TTC39C: variants seen among roughly 807,000 people sequenced by gnomAD.
The protein encoded by TTC39C is tetratricopeptide repeat protein 39C.
In TTC39C, 33 loss-of-function variants were observed where a neutral mutation model predicts 76.3. That is an observed-to-expected ratio of 0.43 (90% confidence interval 0.33 to 0.58). The LOEUF is 0.58. TTC39C is among the 20% of genes least tolerant of loss of function. TTC39C has a pLI of 0.04. For missense variants in TTC39C, 595 were observed against 701.4 expected (o/e 0.85, Z 1.71); for synonymous variants, 254 against 260.6 (o/e 0.97, Z 0.24).
intron 1 of TTC39C, among the ~76,000 whole-genome samples, chr18:24,020,532 C>T (rs375501107): frequency 1.6e-4 from 24 of 152,286 alleles, no homozygotes; most frequent in African/African-American, 5.3e-4. Flanking sequence ...GGACCCCCAG[C>T]GGATACCAAA....
chr18:24,083,185 C>T, intron 6 of TTC39C, 104 bp downstream of exon 6: 1 of 1,202,124 alleles, frequency 8.3e-7, no homozygotes, highest in Non-Finnish European at 1.1e-6. Flanking sequence ...TCCCAGGGCC[C>T]CGGAGCATTT....
chr18:24,077,920 A>G (rs2084326394), intron 4 of TTC39C, among the ~76,000 whole-genome samples: 1 of 152,228 alleles, frequency 6.6e-6, no homozygotes, highest in Admixed American at 6.5e-5. Context: ...GGTTTTCTCC[A>G]GGCTTTCTTT....
chr18:24,106,020 C>T (rs988819142), intron 6 of TTC39C, among the ~76,000 whole-genome samples: 1 of 152,170 alleles, frequency 6.6e-6, no homozygotes, highest in African/African-American at 2.4e-5. Flanking sequence ...TTGAGCTGGC[C>T]TCCGCATCTG....
chr18:24,094,556 A>G (rs1296974111), intron 6 of TTC39C, among the ~76,000 whole-genome samples: 2 of 152,250 alleles, frequency 1.3e-5, no homozygotes, highest in African/African-American at 2.4e-5. Context: ...CTTGAAAGTC[A>G]AAACTACTCC....
chr18:24,066,798 G>A (rs2084171243), intron 3 of TTC39C, among the ~76,000 whole-genome samples: 1 of 152,160 alleles, frequency 6.6e-6, no homozygotes, highest in Non-Finnish European at 1.5e-5. Context: ...TGTTTATGGT[G>A]TCCACCATGA....
chr18:24,010,725 T>G (rs2083387978), upstream of TTC39C, among the ~76,000 whole-genome samples: 1 of 152,206 alleles, frequency 6.6e-6, no homozygotes, highest in South Asian at 2.1e-4. Flanking sequence ...GGTTTTCTTG[T>G]GGTACTTTAT....
chr18:24,022,485 G>A, intron 1 of TTC39C: 1 of 880,830 alleles, frequency 1.1e-6, no homozygotes, highest in Non-Finnish European at 1.4e-6. Flanking sequence ...GGTTGAAACT[G>A]GGCTGCATGG....
chr18:23,997,074 A>G (rs1356117623), intron 1 of TTC39C, among the ~76,000 whole-genome samples: 1 of 151,934 alleles, frequency 6.6e-6, no homozygotes, highest in Non-Finnish European at 1.5e-5. Flanking sequence ...GCACCACTGC[A>G]CTCCAGCCTG....
intron 1 of TTC39C, among the ~76,000 whole-genome samples, chr18:24,023,398 G>A (rs1435574076): frequency 6.6e-6 from 1 of 152,162 alleles, no homozygotes; most frequent in Non-Finnish European, 1.5e-5. Context: ...TCTCAACAGT[G>A]CCATCACAAG....
chr18:24,083,191 C>CATTT, intron 6 of TTC39C, 110 bp downstream of exon 6: 1 of 1,162,556 alleles, frequency 8.6e-7, no homozygotes, highest in East Asian at 2.6e-5. Flanking sequence ...GGCCCCGGAG[C>CATTT]ATTTTGTTCT....
chr18:24,040,682 A>G (rs2083781579), intron 1 of TTC39C, among the ~76,000 whole-genome samples: 1 of 152,230 alleles, frequency 6.6e-6, no homozygotes, highest in African/African-American at 2.4e-5. Flanking sequence ...TAACTAGTAA[A>G]GAGAAAAGCC....
chr18:24,042,996 G>T (rs943047267), intron 1 of TTC39C, among the ~76,000 whole-genome samples: 5 of 152,092 alleles, frequency 3.3e-5, no homozygotes, highest in African/African-American at 9.7e-5. Flanking sequence ...ACATTTTGGG[G>T]ATAAAATCAA....
At chr18:24,090,101 T>G (rs1180859610) in intron 6 of TTC39C, among the ~76,000 whole-genome samples, 1 of 152,214 alleles carries the variant, frequency 6.6e-6, no homozygotes, top group Non-Finnish European at 1.5e-5. Flanking sequence ...GCAGACTACT[T>G]AGATTTCCCT....
rs1479807701 is a variant in TTC39C at position 24,135,218 on chromosome 18, G to A, written c.*2644G>A. ...GGGTTCCACCACCTTGGCCAGGCTG[G>A]TCTTGAACTCCTGACCTCATGATCC... On this transcript the variant is annotated 3_prime_UTR_variant, in exon 14 of 14. Transcript: ENST00000317571. The A allele has an allele frequency of 6.6e-6, 1 of 152,046 alleles. No homozygotes were observed. Among genetic ancestry groups the A allele is most frequent in the Non-Finnish European group, 1.5e-5 (1 of 68,008 alleles). 9.4% of individuals were successfully genotyped at this position (152,046 alleles called of 1,614,324 possible). A position where few individuals can be genotyped will look rare whatever the true frequency, so the allele number is the denominator to read the frequency against.
chr18:24,065,834 T>G (rs541096241), intron 2 of TTC39C, among the ~76,000 whole-genome samples, 178 bp from the exon 3 acceptor site: 1 of 152,364 alleles, frequency 6.6e-6, no homozygotes, highest in African/African-American at 2.4e-5. Flanking sequence ...AGGTATAGTC[T>G]TATTTCATGT....
rs1214099721 is a variant in TTC39C at position 24,116,341 on chromosome 18, G to A, written c.1078+1694G>A. ...GCAGATCGCCTAAAGCCAGGACTTC[G>A]AGACCAGCCAGGTCAGCATGGTGAA... On this transcript the variant is annotated intron_variant, in intron 7 of 13. Coordinates refer to ENST00000317571, the MANE Select transcript of TTC39C (RefSeq NM_001135993.2). 4.6e-5 allele frequency among the ~76,000 whole-genome samples: 7 copies of A among 152,268 alleles called. 2 individuals are homozygous for A. The South Asian group carries it at 8.3e-4, about 18-fold the overall frequency.
At chr18:24,041,142 A>G (rs2083787599) in intron 1 of TTC39C, among the ~76,000 whole-genome samples, 1 of 152,226 alleles carries the variant, frequency 6.6e-6, no homozygotes, top group African/African-American at 2.4e-5. Context: ...TTCATAATTC[A>G]TGCCTGCATA....
chr18:24,056,567 C>G (rs56036078), intron 1 of TTC39C, among the ~76,000 whole-genome samples: 13,645 of 55,238 alleles, frequency 0.25, 875 homozygotes, highest in South Asian at 0.47. Context: ...TTCTCTTCCA[C>G]TGTGTTTCAG....
At chr18:24,055,278 C>T (rs1599279727) in intron 1 of TTC39C, among the ~76,000 whole-genome samples, 1 of 152,186 alleles carries the variant, frequency 6.6e-6, no homozygotes, top group East Asian at 1.9e-4. Flanking sequence ...ATTGCTAGAT[C>T]ATATGGTAAT....
Sources: gnomAD v4.1 joint callset for allele counts (sites outside exome capture counted in the v4.1 genomes callset) on GRCh38, gnomAD v4.1.1 for gene constraint, MANE v1.5 for transcripts, NCBI Gene and HGNC (gene_info 2026-07-23, HGNC 2026-07-21) for gene names.